Variants in KIF18A observed in about 807,000 individuals in gnomAD.
KIF18A encodes the protein kinesin family member 18A.
Under a neutral mutation model 103.3 loss-of-function variants are expected in KIF18A, and 67 were observed. That is an observed-to-expected ratio of 0.65 (90% CI 0.53 to 0.79). The LOEUF is 0.79. KIF18A is among the 30% of genes least tolerant of loss of function. The pLI is 0.00. For missense variants in KIF18A, 1,032 were observed against 1,062.5 expected, an observed-to-expected ratio of 0.97 and a Z score of 0.40; for synonymous variants, 367 against 355.5, an observed-to-expected ratio of 1.03 and a Z score of -0.36.
At chr11:28,090,777 T>C (rs746293927) in intron 4 of KIF18A, 50 bp from the exon 5 acceptor site, 8 of 842,168 alleles carry the variant, frequency 9.5e-6, no homozygotes, top group Non-Finnish European at 1.6e-5. Flanking sequence ...AATATATCTT[T>C]AAATTTTTCA....
chr11:28,098,363 C>T (rs952604647), intron 1 of KIF18A, among the ~76,000 whole-genome samples: 3 of 152,094 alleles, frequency 2.0e-5, no homozygotes, highest in African/African-American at 7.2e-5. Context: ...TTTCACAAGC[C>T]CTCCAGCACT....
At chr11:28,088,081 C>A (rs537134477) in intron 6 of KIF18A, among the ~76,000 whole-genome samples, 8 of 150,962 alleles carry the variant, frequency 5.3e-5, no homozygotes, top group Non-Finnish European at 8.9e-5. Flanking sequence ...ACTTAAACCC[C>A]CCTTAAAAAA....
At chr11:28,040,180 T>C (rs1850540822) in intron 13 of KIF18A, among the ~76,000 whole-genome samples, 1 of 151,798 alleles carries the variant, frequency 6.6e-6, no homozygotes, top group African/African-American at 2.4e-5. Flanking sequence ...ATAATTATTA[T>C]CCTTTAGCTA....
intron 10 of KIF18A, among the ~76,000 whole-genome samples, chr11:28,075,840 T>C (rs567590610): frequency 5.3e-5 from 8 of 152,312 alleles, no homozygotes; most frequent in South Asian, 2.1e-4. Context: ...TGCATTGTAA[T>C]TGACCAACTT....
Position 28,059,010 on chromosome 11 carries a change from C to G in KIF18A, c.1864G>C (p.Glu622Gln), listed in dbSNP as rs146974259. ...GGTAGATCGTTTTGCTTTGGTTGTT[C>G]GGCAGTTTGGTCAGCCCAAACTACC... ...KVVVWADQTAEQPKQNDLPGI... is the reference protein window; with the variant it reads ...KVVVWADQTAQQPKQNDLPGI... Residue 622 changes from glutamate (E) to glutamine (Q), a missense_variant, in exon 13 of 17, where the codon GAA (glutamate) becomes CAA (glutamine). Transcript: ENST00000263181. 2.5e-6 allele frequency: 4 copies of G among 1,613,842 alleles called. No individual in the cohort carries two copies. In the African/African-American group the frequency reaches 4.0e-5, roughly 16 times the overall value.
intron 6 of KIF18A, among the ~76,000 whole-genome samples, chr11:28,085,492 G>C (rs571064642): frequency 4.5e-4 from 69 of 152,268 alleles, no homozygotes; most frequent in African/African-American, 1.6e-3. Flanking sequence ...AAGTCTTAAA[G>C]TCTTTGATCT....
In KIF18A at chr11:28,069,383, G is replaced by A. The variant is rs781004889; in HGVS notation, c.1466C>T (p.Thr489Ile). 2.5e-6 allele frequency: 4 copies of A among 1,613,626 alleles called. No homozygotes were observed. In the South Asian group the frequency reaches 3.3e-5, roughly 13 times the overall value. Residue 489 changes from threonine to isoleucine, a missense_variant, in exon 11 of 17, where the codon ACT becomes ATT. By Grantham distance (89) the Thr-to-Ile change is moderately conservative (BLOSUM62 -1). Coordinates refer to ENST00000263181, the MANE Select transcript of KIF18A (RefSeq NM_031217.4). Reference sequence around the variant, plus strand: ...CCTTTTCTCCAGGTAGGAGCGACGAGTTTTCAACATTGCAAGTCTATGATC... The same window carrying A: ...CCTTTTCTCCAGGTAGGAGCGACGAATTTTCAACATTGCAAGTCTATGATC... ...KRDHRLAMLK[T>I]RRSYLEKRRE...
chr11:28,029,285 C>A (rs549849812), intron 15 of KIF18A, among the ~76,000 whole-genome samples: 116 of 152,160 alleles, frequency 7.6e-4, no homozygotes, highest in African/African-American at 2.5e-3. Flanking sequence ...CCTCAATAAA[C>A]TACTGGCAAG....
intron 13 of KIF18A, among the ~76,000 whole-genome samples, chr11:28,053,724 C>A (rs1283134362): frequency 1.3e-5 from 2 of 151,426 alleles, no homozygotes; most frequent in Non-Finnish European, 2.9e-5. Flanking sequence ...TCTCCGAGAT[C>A]TACTTTAAAA....
chr11:28,023,788 T>G lies in KIF18A; in HGVS notation c.2567A>C (p.Gln856Pro). The change falls in exon 16 of 17, where the codon CAA (glutamine) becomes CCA (proline). Residue 856 changes from glutamine to proline, a missense_variant. Transcript: ENST00000263181. The part of the protein sequence containing the change: ...VNSGFAKRVR[Q>P]DNSSEKHLQE... ...TAAGTGCTTCTCACTTGAATTATCT[T>G]GTCGAACACGTTTGGCAAATCCAGA... The G allele has an allele frequency of 6.2e-7, 1 of 1,613,284 alleles. No individual in the cohort carries two copies. Among genetic ancestry groups the G allele is most frequent in the Non-Finnish European group, 8.5e-7 (1 of 1,179,390 alleles).
In KIF18A at chr11:28,097,994, C is replaced by T; in HGVS notation, c.-46-1G>A. 7.5e-7 allele frequency: 1 copy of T among 1,337,344 alleles called. No individual in the cohort carries two copies. Among genetic ancestry groups the T allele is most frequent in the Non-Finnish European group, 1.0e-6 (1 of 985,658 alleles). 82.8% of individuals were successfully genotyped at this position (1,337,344 alleles called of 1,614,324 possible). On this transcript the variant is annotated splice_acceptor_variant, in intron 1 of 16. Coordinates refer to ENST00000263181, the MANE Select transcript of KIF18A (RefSeq NM_031217.4). LOFTEE classifies it low-confidence loss of function (5UTR_SPLICE). The stretch of plus-strand genomic sequence containing the variant: ...TCTGTATAAATACTTGAATACTTCT[C>T]TGAAATTAAAAAAGAAAATAAAGTT...
In KIF18A at chr11:28,097,743, T is replaced by G; in HGVS notation, c.205A>C (p.Asn69His). The change falls in exon 2 of 17, where the codon AAT becomes CAT. Residue 69 changes from asparagine to histidine, a missense_variant. Asn to His is a moderately conservative substitution (Grantham distance 68, BLOSUM62 1). Coordinates refer to ENST00000263181, the MANE Select transcript of KIF18A (RefSeq NM_031217.4). ...TTNQNVIKKQ[N>H]KDLKFVFDAV... ...TCAAATACAAATTTAAGATCCTTAT[T>G]TTGTTTCTTTATAACATTTTGATTT... 6.2e-7 allele frequency: 1 copy of G among 1,611,166 alleles called. No homozygotes were observed. Among genetic ancestry groups the G allele is most frequent in the Non-Finnish European group, 8.5e-7 (1 of 1,177,824 alleles).
intron 3 of KIF18A, among the ~76,000 whole-genome samples, chr11:28,092,936 C>T (rs1008361797): frequency 1.3e-5 from 2 of 152,180 alleles, no homozygotes; most frequent in African/African-American, 4.8e-5. Context: ...TAATTGTTCT[C>T]AAGCTGGTCT....
intron 3 of KIF18A, 74 bp from the exon 4 acceptor site, chr11:28,091,587 A>C (rs780501790): frequency 1.3e-4 from 85 of 675,796 alleles, no homozygotes; most frequent in Non-Finnish European, 2.0e-4. Flanking sequence ...ATACACTGCT[A>C]ATTTAAAGTT....
At chr11:28,052,855 G>A (rs143188634) in intron 13 of KIF18A, among the ~76,000 whole-genome samples, 3 of 151,940 alleles carry the variant, frequency 2.0e-5, no homozygotes, top group East Asian at 3.9e-4. Flanking sequence ...AAAAAGTAAC[G>A]ATTGTTACTA....
intron 13 of KIF18A, among the ~76,000 whole-genome samples, chr11:28,049,016 C>T (rs963443343): frequency 5.3e-5 from 8 of 152,024 alleles, no homozygotes; most frequent in African/African-American, 1.9e-4. Flanking sequence ...TCTGAGAGGT[C>T]TACACTTTAT....
At position 28,097,856 on chromosome 11, in the gene KIF18A, T is replaced by G. The variant is rs138740326; in HGVS notation, c.92A>C (p.His31Pro). 4 of 1,612,438 alleles carry G rather than the reference T, an allele frequency of 2.5e-6. No homozygotes were observed. Among genetic ancestry groups the G allele is most frequent in the Non-Finnish European group, 2.5e-6 (3 of 1,179,444 alleles). Residue 31 changes from histidine (H) to proline (P), a missense_variant, in exon 2 of 17, where the codon CAT (histidine) becomes CCT (proline). By Grantham distance (77) the His-to-Pro change is moderately conservative. Transcript: ENST00000263181. ...TTTATCCACAACATGAACCACTTTA[T>G]GAAATCCAGCTGCTTTTTCTTTAGT... ...ENTKEKAAGF[H>P]KVVHVVDKHI...
intron 9 of KIF18A, among the ~76,000 whole-genome samples, chr11:28,079,334 T>C (rs545978328): frequency 3.8e-4 from 11 of 28,614 alleles, no homozygotes; most frequent in Non-Finnish European, 5.3e-4. Context: ...ACTAACAAAA[T>C]GAAATAACAA....
At chr11:28,068,381 T>C (rs904686129) in intron 11 of KIF18A, among the ~76,000 whole-genome samples, 1 of 148,120 alleles carries the variant, frequency 6.8e-6, no homozygotes, top group Non-Finnish European at 1.5e-5. Flanking sequence ...AGCACATCTA[T>C]ACCTATGTAA....
Sources: gnomAD v4.1 joint callset for allele counts (sites outside exome capture counted in the v4.1 genomes callset) on GRCh38, gnomAD v4.1.1 for gene constraint, MANE v1.5 for transcripts, NCBI Gene and HGNC (gene_info 2026-07-23, HGNC 2026-07-21) for gene names.